ATP5PD: variants seen among roughly 807,000 people sequenced by gnomAD.
ATP5PD encodes ATP synthase peripheral stalk subunit d, also known as ATP synthase peripheral stalk subunit d, mitochondrial.
ATP5PD carries 13 observed loss-of-function variants against 22.6 expected under a neutral mutation model. The ratio of observed to expected loss-of-function variants is 0.58; its 90% confidence interval spans 0.37 to 0.91. ATP5PD has a LOEUF of 0.91. Ranked by LOEUF, ATP5PD falls within the 40% of genes least tolerant of loss-of-function variation. The pLI, the probability that ATP5PD is intolerant of heterozygous loss-of-function variation, is 0.00. For synonymous variants in ATP5PD, 51 were observed against 65.0 expected (o/e 0.79, Z 1.03); for missense variants, 165 against 188.0 (o/e 0.88, Z 0.72).
chr17:75,039,537 G>C, intron 4 of ATP5PD: 1 of 453,434 alleles, frequency 2.2e-6, no homozygotes, highest in East Asian at 3.9e-5. Flanking sequence ...CAGAATGCCT[G>C]TTTTCACAGG....
intron 1 of ATP5PD, 40 bp from the exon 2 acceptor site, chr17:75,042,699 G>A: frequency 6.4e-7 from 1 of 1,571,188 alleles, no homozygotes; most frequent in Non-Finnish European, 8.6e-7. Context: ...TTTTTTATGA[G>A]GTGAATTTTC....
chr17:75,045,509 G>C (rs888261712), intron 1 of ATP5PD, among the ~76,000 whole-genome samples: 1 of 152,196 alleles, frequency 6.6e-6, no homozygotes, highest in Admixed American at 6.5e-5. Context: ...CCCCAGGGGG[G>C]CCAGTTCAGA....
At chr17:75,046,723 C>G (rs1225596016) in intron 1 of ATP5PD, among the ~76,000 whole-genome samples, 1 of 152,272 alleles carries the variant, frequency 6.6e-6, no homozygotes, top group Non-Finnish European at 1.5e-5. Flanking sequence ...GCCGGGCCCC[C>G]CTGACCCCGC....
At chr17:75,041,862 C>T (rs890114770) in intron 3 of ATP5PD, 7 of 224,744 alleles carry the variant, frequency 3.1e-5, no homozygotes, top group Non-Finnish European at 6.1e-5. Context: ...ATGGTGACCT[C>T]CCAGGAGCGG....
intron 1 of ATP5PD, among the ~76,000 whole-genome samples, chr17:75,043,657 T>C (rs964139657): frequency 4.6e-5 from 7 of 150,638 alleles, no homozygotes; most frequent in African/African-American, 1.7e-4. Context: ...ATCCCCTCCA[T>C]GTGCCTCTGG....
chr17:75,042,036 C>G lies in ATP5PD; in HGVS notation c.219+145G>C, dbSNP rs755682846. The G allele has an allele frequency of 4.6e-6, 3 of 650,910 alleles. 1 individual carries two copies. In the Middle Eastern group the frequency reaches 1.3e-3, roughly 277 times the overall value. 40.3% of individuals were successfully genotyped at this position (650,910 alleles called of 1,614,324 possible). ...TTCCTGCACCTATTTACAGTTCAAT[C>G]GACCACAAGGCCTTTGGCCATACGC... is the stretch of plus-strand genomic sequence containing the variant. On this transcript the variant is annotated intron_variant, in intron 3 of 5. Transcript: ENST00000301587.
chr17:75,043,692 T>C (rs1828807129), intron 1 of ATP5PD, among the ~76,000 whole-genome samples: 1 of 152,050 alleles, frequency 6.6e-6, no homozygotes, highest in African/African-American at 2.4e-5. Flanking sequence ...ATAACACTCT[T>C]ATTGCATAAA....
chr17:75,043,207 C>G (rs1210086506), intron 1 of ATP5PD, among the ~76,000 whole-genome samples: 1 of 152,144 alleles, frequency 6.6e-6, no homozygotes, highest in Non-Finnish European at 1.5e-5. Context: ...GGCAACACAG[C>G]AAGAGTCCGT....
At chr17:75,045,938 T>C (rs1403687568) in intron 1 of ATP5PD, among the ~76,000 whole-genome samples, 1 of 152,180 alleles carries the variant, frequency 6.6e-6, no homozygotes, top group Non-Finnish European at 1.5e-5. Context: ...GCATAAGAAA[T>C]TACAAAAGTA....
chr17:75,039,659 G>A (rs1196977169), intron 4 of ATP5PD: 4 of 272,914 alleles, frequency 1.5e-5, no homozygotes, highest in African/African-American at 6.6e-5. Context: ...CAAATAATTA[G>A]GTATTTGAAT....
rs1237816878 is a variant in ATP5PD at position 75,042,201 on chromosome 17, C to T, written c.199G>A (p.Val67Met). 2.5e-6 allele frequency: 4 copies of T among 1,614,058 alleles called. No homozygotes were observed. Among genetic ancestry groups the T allele is most frequent in the Non-Finnish European group, 3.4e-6 (4 of 1,179,948 alleles). ...CTCACCTTCTTCTCAAAGTCATCCA[C>T]CAAGCCAGCCTTGGCCACATTGGCC... Reference protein sequence around the residue: ...YKANVAKAGLVDDFEKKFNAL... With the variant: ...YKANVAKAGLMDDFEKKFNAL... The change falls in exon 3 of 6, where the codon GTG becomes ATG. Residue 67 changes from valine (V) to methionine (M), a missense_variant. Transcript: ENST00000301587.
intron 3 of ATP5PD, 93 bp from the exon 4 acceptor site, chr17:75,040,256 C>A (rs994950320): frequency 1.4e-6 from 2 of 1,464,696 alleles, no homozygotes; most frequent in Admixed American, 1.7e-5. Context: ...GCTCAAAGGG[C>A]TGGAAGCTAC....
At chr17:75,040,367 G>A (rs1382804804) in intron 3 of ATP5PD, 1 of 602,648 alleles carries the variant, frequency 1.7e-6, no homozygotes, top group Non-Finnish European at 3.0e-6. Flanking sequence ...GGGAACAGGA[G>A]CTCAAGGGTC....
rs144634308 is a variant in ATP5PD, at chr17:75,039,001, A to G, written c.417T>C (p.Ala139=). The change falls in exon 6 of 6, where the codon GCT becomes GCC. Residue 139 remains alanine, a synonymous_variant. Coordinates refer to ENST00000301587, the MANE Select transcript of ATP5PD (RefSeq NM_006356.3). ...TCTTGTCTAATTTGGTTTCTGGGAA[A>G]GCTTCATTCAAGTCCTCAATGGTCA... ...DQMTIEDLNE[A]FPETKLDKKK... The G allele has an allele frequency of 5.0e-6, 8 of 1,614,022 alleles. No individual in the cohort carries two copies. The highest frequency in any genetic ancestry group is 6.8e-6 in the Non-Finnish European group (8 of 1,179,984).
At chr17:75,045,222 G>C (rs1052137267) in intron 1 of ATP5PD, among the ~76,000 whole-genome samples, 1 of 152,210 alleles carries the variant, frequency 6.6e-6, no homozygotes, top group Non-Finnish European at 1.5e-5. Flanking sequence ...GTGGGTGACA[G>C]ACATCAAGTA....
intron 1 of ATP5PD, among the ~76,000 whole-genome samples, chr17:75,044,023 CT>C (rs11312083): frequency 0.19 from 24,266 of 127,636 alleles, 3,582 homozygotes; most frequent in African/African-American, 0.49. Flanking sequence ...ACGTTGTGCA[CT>C]TTTTTTTTTT....
At chr17:75,046,652 G>C (rs904930527) in intron 1 of ATP5PD, among the ~76,000 whole-genome samples, 1 of 152,246 alleles carries the variant, frequency 6.6e-6, no homozygotes, top group Non-Finnish European at 1.5e-5. Context: ...TGCCGCGCTG[G>C]GAGCGGACTG....
chr17:75,043,690 C>T (rs2073183931), intron 1 of ATP5PD, among the ~76,000 whole-genome samples: 1 of 151,826 alleles, frequency 6.6e-6, no homozygotes, highest in Non-Finnish European at 1.5e-5. Context: ...AAATAACACT[C>T]TTATTGCATA....
intron 4 of ATP5PD, chr17:75,039,888 G>A: frequency 1.6e-6 from 1 of 617,930 alleles, no homozygotes; most frequent in Non-Finnish European, 2.8e-6. Flanking sequence ...GGAATCATAT[G>A]CTATACTCTT....
Sources: gnomAD v4.1 joint callset for allele counts (sites outside exome capture counted in the v4.1 genomes callset) on GRCh38, gnomAD v4.1.1 for gene constraint, MANE v1.5 for transcripts, NCBI Gene and HGNC (gene_info 2026-07-23, HGNC 2026-07-21) for gene names.